The following STK32C variants were observed in gnomAD, a reference collection of about 807,000 sequenced individuals.
STK32C encodes serine/threonine-protein kinase 32C.
STK32C carries 31 observed loss-of-function variants against 56.5 expected under a neutral mutation model. The observed-to-expected ratio is 0.55, with a 90% confidence interval of 0.41 to 0.74. The LOEUF is 0.74. STK32C is among the 30% of genes least tolerant of loss of function. The probability of loss-of-function intolerance (pLI) is 0.00; values close to 1 mark genes in which losing one functional copy is unlikely to be tolerated. For missense variants in STK32C, 544 were observed against 676.9 expected (o/e 0.80, Z 2.18); for synonymous variants, 309 against 289.4 (o/e 1.07, Z -0.69).
intron 1 of STK32C, among the ~76,000 whole-genome samples, chr10:132,286,091 A>C (rs1370662691): frequency 6.6e-6 from 1 of 151,388 alleles, no homozygotes; most frequent in Non-Finnish European, 1.5e-5. Flanking sequence ...GAGCCACTGC[A>C]CTCCAGCCTG....
intron 1 of STK32C, among the ~76,000 whole-genome samples, chr10:132,271,265 C>T (rs2064811645): frequency 6.6e-6 from 1 of 152,148 alleles, no homozygotes; most frequent in Non-Finnish European, 1.5e-5. Context: ...TGGCAGTGGC[C>T]CATACACCCC....
At chr10:132,240,173 C>T (rs1242260878) in intron 2 of STK32C, among the ~76,000 whole-genome samples, 1 of 152,166 alleles carries the variant, frequency 6.6e-6, no homozygotes, top group East Asian at 1.9e-4. Context: ...AAACCCATGA[C>T]CCCAAGCTGG....
At position 132,307,232 on chromosome 10, in the gene STK32C, G is replaced by A. The variant is rs1216626155; in HGVS notation, c.262+340C>T. ...CAAAGTACAAACGAGCCCGCACGTGGGCCCGAGCGGATCACGGAAAGCGGA... is the reference window on the plus strand; with the variant it reads ...CAAAGTACAAACGAGCCCGCACGTGAGCCCGAGCGGATCACGGAAAGCGGA... On this transcript the variant is annotated intron_variant, in intron 1 of 11. Coordinates refer to ENST00000298630, the MANE Select transcript of STK32C (RefSeq NM_173575.4). This position sits in a 1 kb window ranked among gnomAD's most constrained non-coding sequence, Gnocchi z 4.4. 7 of 196,952 alleles carry A rather than the reference G, an allele frequency of 3.6e-5. No individual in the cohort carries two copies. The highest frequency in any genetic ancestry group is 6.2e-5 in the Admixed American group (1 of 16,146). The allele number at this position is 196,952 out of a possible 1,614,324, so 12.2% of individuals were successfully genotyped here.
At chr10:132,240,137 A>G (rs2063450736) in intron 2 of STK32C, among the ~76,000 whole-genome samples, 1 of 151,726 alleles carries the variant, frequency 6.6e-6, no homozygotes, top group African/African-American at 2.4e-5. Context: ...GGCAGTGCTG[A>G]CTCAAGCCGC....
intron 1 of STK32C, among the ~76,000 whole-genome samples, chr10:132,283,644 G>A (rs1411063860): frequency 6.6e-6 from 1 of 152,230 alleles, no homozygotes; most frequent in Non-Finnish European, 1.5e-5. Flanking sequence ...AACACCTGAG[G>A]GTCCAGCATC....
intron 1 of STK32C, among the ~76,000 whole-genome samples, chr10:132,248,405 C>A (rs2063765424): frequency 6.6e-6 from 1 of 152,198 alleles, no homozygotes; most frequent in South Asian, 2.1e-4. Context: ...GGTGTCAGGG[C>A]GAGGCCCAGG....
chr10:132,324,667 G>A (rs1246744180), intron 1 of STK32C, among the ~76,000 whole-genome samples: 1 of 152,206 alleles, frequency 6.6e-6, no homozygotes, highest in Non-Finnish European at 1.5e-5. Context: ...GACAAAAAGA[G>A]TCAAGCTCTG....
chr10:132,281,884 A>T (rs1266188249), intron 1 of STK32C, among the ~76,000 whole-genome samples: 1 of 149,058 alleles, frequency 6.7e-6, no homozygotes, highest in Admixed American at 6.6e-5. Flanking sequence ...ATTTCAGCCC[A>T]ACCAGGATGG....
At chr10:132,321,621 G>A (rs573433380), downstream of STK32C, among the ~76,000 whole-genome samples, 3 of 152,288 alleles carry the variant, frequency 2.0e-5, no homozygotes, top group East Asian at 5.8e-4. Flanking sequence ...CTGGAGTTCA[G>A]GAGTTCGAGA....
intron 1 of STK32C, among the ~76,000 whole-genome samples, chr10:132,257,272 C>A (rs73383241): frequency 6.6e-6 from 1 of 152,072 alleles, no homozygotes; most frequent in African/African-American, 2.4e-5. Flanking sequence ...GCCCTGTCCA[C>A]GTGTCTGTCC....
chr10:132,237,007 T>A (rs7915197), intron 2 of STK32C, among the ~76,000 whole-genome samples: 3 of 151,706 alleles, frequency 2.0e-5, no homozygotes, highest in African/African-American at 7.3e-5. Flanking sequence ...GGAAACCCTG[T>A]CTGCCCCAGT....
At chr10:132,270,597 G>C (rs2064784118) in intron 1 of STK32C, among the ~76,000 whole-genome samples, 1 of 152,216 alleles carries the variant, frequency 6.6e-6, no homozygotes, top group Non-Finnish European at 1.5e-5. Flanking sequence ...TCTTCCCTTG[G>C]AGTCCCACGC....
At position 132,226,866 on chromosome 10, in the gene STK32C, G is replaced by T; in HGVS notation, c.573C>A (p.Asp191Glu). 1 of 1,613,452 alleles carries T rather than the reference G, an allele frequency of 6.2e-7. No individual in the cohort carries two copies. Among genetic ancestry groups the T allele is most frequent in the Non-Finnish European group, 8.5e-7 (1 of 1,180,028 alleles). ...HLQQNVQFSE[D>E]TVRLYICEMA... ...TCTCGCAGATGTACAGCCTCACCGT[G>T]TCCTCGGAGAACTGCACGTTCTGCT... Residue 191 changes from aspartate (D) to glutamate (E), a missense_variant, in exon 4 of 12, where the codon GAC becomes GAA. Physicochemically the swap from Asp to Glu is conservative, Grantham distance 45. Transcript: ENST00000298630.
At chr10:132,241,365 A>G (rs533734566) in intron 2 of STK32C, among the ~76,000 whole-genome samples, 1 of 152,264 alleles carries the variant, frequency 6.6e-6, no homozygotes, top group Non-Finnish European at 1.5e-5. Flanking sequence ...GAAAAGTTAG[A>G]AAATAAAGTC....
At chr10:132,313,258 G>T (rs749905636) in intron 1 of STK32C, among the ~76,000 whole-genome samples, 3 of 152,154 alleles carry the variant, frequency 2.0e-5, no homozygotes, top group Non-Finnish European at 4.4e-5. Context: ...GCCGAGTGAC[G>T]GTTAAGTCAC....
chr10:132,290,886 AG>A (rs1402209739), intron 1 of STK32C, among the ~76,000 whole-genome samples: 1 of 151,852 alleles, frequency 6.6e-6, no homozygotes, highest in Non-Finnish European at 1.5e-5. Context: ...CACCATGTCC[AG>A]GGATACCCAT....
In STK32C at chr10:132,235,230, G is replaced by A. The variant is rs1007128866; in HGVS notation, c.319-7102C>T. Among the ~76,000 whole-genome samples, 6 of 152,290 alleles carry A rather than the reference G, an allele frequency of 3.9e-5. No homozygotes were observed. The South Asian group carries it at 1.2e-3, about 32-fold the overall frequency. On this transcript the variant is annotated intron_variant, in intron 2 of 11. Coordinates refer to ENST00000298630, the MANE Select transcript of STK32C (RefSeq NM_173575.4). ...AAAAGAAATCAGGCCAGGCGCTGTG[G>A]CTCACACCTGTAATCTCAATACTTT...
chr10:132,210,217 TCA>T lies in STK32C; in HGVS notation c.1252-1118_1252-1117del, dbSNP rs199744747. On this transcript the variant is annotated intron_variant, in intron 10 of 11. Transcript: ENST00000298630. ...CCAGGGCTAAGGGGACTCTTCCCTG[TCA>T]CAGTGTCGTCTGTGCCTCGAACACC... 9.2e-3 allele frequency among the ~76,000 whole-genome samples: 1,395 copies of T among 152,318 alleles called. 67 individuals carry two copies. The South Asian group carries it at 0.099, about 11-fold the overall frequency.
chr10:132,264,085 G>A (rs79577340), intron 1 of STK32C, among the ~76,000 whole-genome samples: 18,794 of 152,044 alleles, frequency 0.12, 1,842 homozygotes, highest in African/African-American at 0.26. Context: ...TGGGGCAGGC[G>A]GTGGCGACGG....
Sources: allele counts gnomAD v4.1 joint callset (sites outside exome capture counted in the v4.1 genomes callset), GRCh38; gene constraint gnomAD v4.1.1; non-coding constraint Gnocchi (gnomAD v3.1); transcripts MANE v1.5; gene names NCBI Gene and HGNC (gene_info 2026-07-23, HGNC 2026-07-21).